Variants in PDIA6 observed in about 807,000 individuals in gnomAD.
PDIA6 encodes protein disulfide isomerase family A member 6, also known as protein disulfide-isomerase A6.
In PDIA6, 29 loss-of-function variants were observed where a neutral mutation model predicts 58.4. The ratio of observed to expected loss-of-function variants is 0.50; its 90% CI spans 0.37 to 0.68. PDIA6 has a LOEUF of 0.68. PDIA6 is among the 30% of genes least tolerant of loss of function. PDIA6 has a pLI of 0.00. For synonymous variants in PDIA6, 192 were observed against 202.6 expected, an observed-to-expected ratio of 0.95 and a Z score of 0.44; for missense variants, 480 against 551.0, an observed-to-expected ratio of 0.87 and a Z score of 1.29.
chr2:10,793,266 GCC>G, intron 4 of PDIA6, 64 bp from the exon 5 acceptor site: 1 of 1,059,790 alleles, frequency 9.4e-7, no homozygotes, highest in Non-Finnish European at 1.5e-6. Context: ...ATCTGGCCCG[GCC>G]CAAGACTGTG....
At chr2:10,790,681 G>A in intron 7 of PDIA6, 38 bp downstream of exon 7, 3 of 1,407,764 alleles carry the variant, frequency 2.1e-6, no homozygotes, top group Non-Finnish European at 3.0e-6. Context: ...GAAACACCAT[G>A]TATTTCACAA....
chr2:10,830,424 G>A (rs375864970), intron 1 of PDIA6, among the ~76,000 whole-genome samples: 38 of 152,278 alleles, frequency 2.5e-4, no homozygotes, highest in African/African-American at 5.1e-4. Context: ...AGGTTCTCTC[G>A]GGCACCTTTT....
chr2:10,835,305 G>A (rs1438330086), upstream of PDIA6, among the ~76,000 whole-genome samples: 1 of 152,182 alleles, frequency 6.6e-6, no homozygotes, highest in Non-Finnish European at 1.5e-5. Flanking sequence ...GCTGGCAGGC[G>A]GGTGAGGTGG....
intron 10 of PDIA6, 138 bp downstream of exon 10, chr2:10,788,559 G>C: frequency 1.5e-6 from 1 of 667,490 alleles, no homozygotes; most frequent in Non-Finnish European, 2.6e-6. Context: ...GGGAGGCTGA[G>C]GCAGGAGGGA....
At chr2:10,827,373 A>G (rs138371719) in intron 1 of PDIA6, among the ~76,000 whole-genome samples, 60 of 152,152 alleles carry the variant, frequency 3.9e-4, no homozygotes, top group Non-Finnish European at 5.0e-4. Flanking sequence ...TTATTTACAT[A>G]TTTATTTGTT....
chr2:10,784,871 T>G, intron 12 of PDIA6, 63 bp downstream of exon 12: 2 of 1,214,698 alleles, frequency 1.6e-6, no homozygotes, highest in South Asian at 2.6e-5. Flanking sequence ...GGTGCAGAGA[T>G]GCACAGGCTC....
At chr2:10,787,223 C>T in intron 11 of PDIA6, 58 bp downstream of exon 11, 2 of 1,496,846 alleles carry the variant, frequency 1.3e-6, no homozygotes, top group Non-Finnish European at 1.9e-6. Context: ...CAAATATAAA[C>T]CTACAACAGA....
At chr2:10,785,997 A>G (rs571937055) in intron 11 of PDIA6, among the ~76,000 whole-genome samples, 7 of 150,962 alleles carry the variant, frequency 4.6e-5, no homozygotes, top group African/African-American at 1.7e-4. Context: ...TACAGGCGTG[A>G]GCCACCGCAC....
intron 1 of PDIA6, 83 bp downstream of exon 1, chr2:10,812,595 G>A: frequency 1.5e-6 from 2 of 1,349,742 alleles, no homozygotes; most frequent in African/African-American, 1.5e-5. Flanking sequence ...TGCGGCCGCG[G>A]CCCGCCGGGG....
At chr2:10,790,568 GTT>G (rs1665987724) in intron 7 of PDIA6, 149 bp downstream of exon 7, 1 of 611,528 alleles carries the variant, frequency 1.6e-6, no homozygotes, top group Admixed American at 2.9e-5. Flanking sequence ...TTTCAGACTT[GTT>G]AGTTATGACA....
chr2:10,821,965 A>G (rs1667408257), intron 1 of PDIA6, among the ~76,000 whole-genome samples: 1 of 148,640 alleles, frequency 6.7e-6, no homozygotes. Flanking sequence ...AATTTTTTTG[A>G]GACAGAGTCT....
At chr2:10,791,946 C>CA (rs762849020) in intron 5 of PDIA6, 21 bp from the exon 6 acceptor site, 1 of 1,610,332 alleles carries the variant, frequency 6.2e-7, no homozygotes, top group African/African-American at 1.3e-5. Context: ...TGACATTAAA[C>CA]ATCAAACAAT....
chr2:10,832,117 G>C (rs191460550), intron 1 of PDIA6: 1 of 151,756 alleles, frequency 6.6e-6, no homozygotes, highest in Non-Finnish European at 1.5e-5. Context: ...GGAATATGGC[G>C]GGGAGTGAAA....
upstream of PDIA6, among the ~76,000 whole-genome samples, chr2:10,816,390 T>C (rs1667194319): frequency 2.6e-5 from 1 of 37,976 alleles, no homozygotes; most frequent in South Asian, 1.4e-3. Context: ...CCGGCCTGTA[T>C]CATTTTTTTT....
At chr2:10,810,235 T>A (rs1157289612) in intron 1 of PDIA6, 2 of 1,375,338 alleles carry the variant, frequency 1.5e-6, no homozygotes, top group Non-Finnish European at 2.0e-6. Flanking sequence ...ACAGAAAGGA[T>A]AACTTACCTA....
upstream of PDIA6, among the ~76,000 whole-genome samples, chr2:10,814,578 C>G (rs915227533): frequency 6.6e-6 from 1 of 152,186 alleles, no homozygotes; most frequent in African/African-American, 2.4e-5. Context: ...CACATTTCCC[C>G]CCTTAAATTT....
chr2:10,820,837 C>G (rs1462636246), intron 1 of PDIA6: 1 of 703,000 alleles, frequency 1.4e-6, no homozygotes, highest in Non-Finnish European at 2.6e-6. Context: ...CACACCCACA[C>G]AAGCTTCTCC....
In PDIA6 at chr2:10,819,337, C is replaced by A. The variant is rs993093844; in HGVS notation, c.-30G>T. The A allele has an allele frequency of 1.8e-5, 27 of 1,534,080 alleles. No individual in the cohort carries two copies. The Middle Eastern group carries it at 5.0e-4, about 28-fold the overall frequency. ...GGACTTTTCCTTGATAGGGAGTGGG[C>A]AGGAGAAGTTGGTGAGCCTGAAAGT... is the stretch of plus-strand genomic sequence containing the variant. On this transcript the variant is annotated 5_prime_UTR_variant, in exon 2 of 14. Coordinates refer to the PDIA6 transcript ENST00000381611.
At position 10,787,534 on chromosome 2, in the gene PDIA6, A is replaced by C; in HGVS notation, c.999-95T>G. On this transcript the variant is annotated intron_variant, in intron 10 of 12. Coordinates refer to ENST00000272227, the MANE Select transcript of PDIA6 (RefSeq NM_005742.4). ...TAGAGAACAAAAGATCACGCTTCAG[A>C]TATTTCGTAGAATGACAAATAAAAA... The C allele has an allele frequency of 6.9e-6, 8 of 1,151,140 alleles. No individual in the cohort carries two copies. The Middle Eastern group carries it at 1.5e-3, about 214-fold the overall frequency. 71.3% of individuals were successfully genotyped at this position (1,151,140 alleles called of 1,614,324 possible). A position where few individuals can be genotyped will look rare whatever the true frequency, so the allele number is the denominator to read the frequency against.
Sources: allele counts gnomAD v4.1 joint callset (sites outside exome capture counted in the v4.1 genomes callset), GRCh38; gene constraint gnomAD v4.1.1; transcripts MANE v1.5; gene names NCBI Gene and HGNC (gene_info 2026-07-23, HGNC 2026-07-21).